ADGRE3: variants seen among roughly 807,000 people sequenced by gnomAD.
ADGRE3 encodes EGF-like module receptor 3.
A neutral mutation model predicts 80.1 loss-of-function variants in ADGRE3; 88 were observed. That is an observed-to-expected ratio of 1.10 (90% confidence interval 0.93 to 1.31). The LOEUF is 1.31. ADGRE3 is among the 40% of genes most tolerant of loss of function. The probability of loss-of-function intolerance (pLI) is 0.00; values close to 1 mark genes in which losing one functional copy is unlikely to be tolerated. For missense variants in ADGRE3, 715 were observed against 776.5 expected, an observed-to-expected ratio of 0.92 and a Z score of 0.94; for synonymous variants, 281 against 294.8, an observed-to-expected ratio of 0.95 and a Z score of 0.48.
the ADGRE3 span, chr19:14,600,128 G>A: frequency 1.2e-6 from 2 of 1,614,044 alleles, no homozygotes; most frequent in Admixed American, 1.7e-5. Flanking sequence ...AGGCCCGGAT[G>A]TTCTGCCAGG....
the ADGRE3 span, among the ~76,000 whole-genome samples, chr19:14,600,994 C>G: frequency 6.7e-6 from 1 of 148,234 alleles, no homozygotes; most frequent in African/African-American, 2.5e-5. Context: ...CCTCTGCCTC[C>G]CGGGTTCAAG....
At chr19:14,617,377 CCTTTCTTTCTTTCTTT>C (rs1312546722), downstream of ADGRE3, among the ~76,000 whole-genome samples, 3 of 86,304 alleles carry the variant, frequency 3.5e-5, no homozygotes, top group South Asian at 8.4e-4. Flanking sequence ...TTTCTTTCTT[CCTTTCTTTCTTTCTTT>C]CTTTCTTTTC....
chr19:14,607,385 A>G, the ADGRE3 span, among the ~76,000 whole-genome samples: 2 of 151,120 alleles, frequency 1.3e-5, no homozygotes, highest in Non-Finnish European at 1.5e-5. Context: ...TTGTATTTTT[A>G]GTAGAGACGG....
chr19:14,629,220 T>G (rs751339428), intron 14 of ADGRE3, among the ~76,000 whole-genome samples: 6 of 152,166 alleles, frequency 3.9e-5, no homozygotes, highest in Non-Finnish European at 7.3e-5. Context: ...CACTGCACCC[T>G]GCCGATTGGA....
chr19:14,668,625 G>T, intron 2 of ADGRE3, 177 bp downstream of exon 2: 1 of 556,622 alleles, frequency 1.8e-6, no homozygotes, highest in Non-Finnish European at 3.2e-6. Flanking sequence ...ATAAATAAAA[G>T]GCTATCCATA....
chr19:14,634,066 C>G (rs538083957), intron 11 of ADGRE3, among the ~76,000 whole-genome samples: 3 of 152,202 alleles, frequency 2.0e-5, no homozygotes, highest in African/African-American at 7.2e-5. Flanking sequence ...CGTGAGCCAC[C>G]ACGCCCGGCC....
chr19:14,624,125 G>A (rs984469147), intron 15 of ADGRE3, among the ~76,000 whole-genome samples: 4 of 141,378 alleles, frequency 2.8e-5, no homozygotes, highest in Non-Finnish European at 4.6e-5. Flanking sequence ...ACAGGGTTTC[G>A]CTCTTGTTGC....
chr19:14,624,594 C>G (rs1007430487), intron 15 of ADGRE3, among the ~76,000 whole-genome samples: 2 of 151,216 alleles, frequency 1.3e-5, no homozygotes, highest in East Asian at 1.9e-4. Context: ...ATCTCTCTCT[C>G]TATAAAAAAA....
intron 15 of ADGRE3, among the ~76,000 whole-genome samples, chr19:14,625,042 C>T (rs1278902718): frequency 9.9e-5 from 15 of 152,034 alleles, no homozygotes; most frequent in Non-Finnish European, 1.8e-4. Flanking sequence ...TGCAATGGTG[C>T]GATCTTGGCT....
chr19:14,631,918 T>C (rs1970891300), intron 13 of ADGRE3, among the ~76,000 whole-genome samples: 1 of 142,070 alleles, frequency 7.0e-6, no homozygotes, highest in African/African-American at 2.6e-5. Flanking sequence ...TTTTACTGTA[T>C]ATATTTCAAA....
At chr19:14,611,342 C>G in the ADGRE3 span, among the ~76,000 whole-genome samples, 3 of 150,182 alleles carry the variant, frequency 2.0e-5, no homozygotes, top group East Asian at 5.9e-4. Flanking sequence ...AGACTTTTGC[C>G]AGAAGACTTG....
chr19:14,661,935 G>C (rs1971955192), intron 4 of ADGRE3, 28 bp downstream of exon 4: 1 of 1,609,112 alleles, frequency 6.2e-7, no homozygotes, highest in African/African-American at 1.3e-5. Flanking sequence ...ACAGAGGAAG[G>C]AAGGCAGGAG....
chr19:14,633,219 C>G lies in ADGRE3; in HGVS notation c.1551+17G>C, dbSNP rs564990076. The stretch of plus-strand genomic sequence containing the variant: ...TTGGTTCTTCCTAGTTTGGGAACAT[C>G]GAAGGCACATACTCACAGAGAAAAT... On this transcript the variant is annotated intron_variant, in intron 12 of 15. Coordinates refer to ENST00000253673, the MANE Select transcript of ADGRE3 (RefSeq NM_032571.5). 6 of 1,606,730 alleles carry G rather than the reference C, an allele frequency of 3.7e-6. No individual in the cohort carries two copies. The Admixed American group carries it at 1.0e-4, about 27-fold the overall frequency.
At chr19:14,625,079 A>G (rs566280680) in intron 15 of ADGRE3, among the ~76,000 whole-genome samples, 21 of 152,260 alleles carry the variant, frequency 1.4e-4, no homozygotes, top group African/African-American at 4.8e-4. Flanking sequence ...TCTCAGGTTC[A>G]AGTGATTTTC....
the ADGRE3 span, among the ~76,000 whole-genome samples, chr19:14,611,998 C>T: frequency 6.6e-6 from 1 of 151,942 alleles, no homozygotes; most frequent in Non-Finnish European, 1.5e-5. Context: ...AGCAAGACTC[C>T]ATCTCAAATA....
At chr19:14,653,630 T>C (rs1971666342) in intron 6 of ADGRE3, among the ~76,000 whole-genome samples, 1 of 152,072 alleles carries the variant, frequency 6.6e-6, no homozygotes, top group Non-Finnish European at 1.5e-5. Context: ...TGGAGTGCAG[T>C]GGTGCAATCT....
At chr19:14,641,706 C>T (rs1971256470) in intron 9 of ADGRE3, 90 bp from the exon 10 acceptor site, 13 of 1,503,934 alleles carry the variant, frequency 8.6e-6, no homozygotes, top group Non-Finnish European at 1.2e-5. Context: ...GACACAGGCA[C>T]CAAGCCCAGT....
intron 6 of ADGRE3, among the ~76,000 whole-genome samples, chr19:14,654,247 C>T (rs1017091182): frequency 6.8e-6 from 1 of 147,222 alleles, no homozygotes; most frequent in Non-Finnish European, 1.5e-5. Flanking sequence ...GCCACCATGC[C>T]CAGCCCAAAA....
At chr19:14,635,393 C>T (rs755753119) in intron 11 of ADGRE3, among the ~76,000 whole-genome samples, 18 of 151,770 alleles carry the variant, frequency 1.2e-4, no homozygotes, top group Non-Finnish European at 2.2e-4. Context: ...GCGTGAACCA[C>T]CATGCCTGGT....
Sources: allele counts gnomAD v4.1 joint callset (sites outside exome capture counted in the v4.1 genomes callset), GRCh38; gene constraint gnomAD v4.1.1; transcripts MANE v1.5; gene names NCBI Gene and HGNC (gene_info 2026-07-23, HGNC 2026-07-21).